ST7L: variants seen among roughly 807,000 people sequenced by gnomAD.
ST7L encodes suppression of tumorigenicity 7 like.
Under a neutral mutation model 72.5 loss-of-function variants are expected in ST7L, and 57 were observed. That is an observed-to-expected ratio of 0.79 (90% CI 0.64 to 0.98). The LOEUF (loss-of-function observed/expected upper bound fraction) is 0.98. Among genes scored for constraint, ST7L ranks in the 50% least tolerant of loss-of-function variants. The pLI, the probability that ST7L is intolerant of heterozygous loss-of-function variation, is 0.00. For synonymous variants in ST7L, 221 were observed against 240.9 expected (o/e 0.92, Z 0.77); for missense variants, 576 against 672.2 (o/e 0.86, Z 1.58).
At chr1:112,600,337 C>T (rs1015077658) in intron 4 of ST7L, among the ~76,000 whole-genome samples, 2 of 152,146 alleles carry the variant, frequency 1.3e-5, no homozygotes, top group African/African-American at 4.8e-5. Context: ...TGCACCTGGC[C>T]TCTACCAAAA....
At chr1:112,602,713 C>CTTTTTTTTTTTTTT (rs35617753) in intron 3 of ST7L, among the ~76,000 whole-genome samples, 1 of 120,498 alleles carries the variant, frequency 8.3e-6, no homozygotes, top group Non-Finnish European at 1.7e-5. Context: ...CATTTTCTTT[C>CTTTTTTTTTTTTTT]TTTTTTTTTT....
intron 11 of ST7L, among the ~76,000 whole-genome samples, chr1:112,575,655 T>G (rs1338499091): frequency 6.6e-6 from 1 of 152,200 alleles, no homozygotes; most frequent in Non-Finnish European, 1.5e-5. Flanking sequence ...TAAGATTTCA[T>G]CAAGCTACTC....
chr1:112,563,331 T>A (rs1282654480), intron 11 of ST7L, among the ~76,000 whole-genome samples: 1 of 152,182 alleles, frequency 6.6e-6, no homozygotes, highest in Non-Finnish European at 1.5e-5. Context: ...AAGAAAGGAC[T>A]TAACAAATTT....
In ST7L at chr1:112,542,106, G is replaced by T; in HGVS notation, c.1490-16C>A. ...TGATGAAAGGCTGCAATGGAGAATA[G>T]GTAAGAATCAATTTTATTTCAGAAT... is the stretch of plus-strand genomic sequence containing the variant. On this transcript the variant is annotated splice_polypyrimidine_tract_variant and intron_variant, in intron 13 of 14. Transcript: ENST00000358039. 6.4e-7 allele frequency: 1 copy of T among 1,566,724 alleles called. No homozygotes were observed. Among genetic ancestry groups the T allele is most frequent in the South Asian group, 1.2e-5 (1 of 83,268 alleles).
At chr1:112,569,095 G>T (rs1283411229) in intron 11 of ST7L, among the ~76,000 whole-genome samples, 3 of 151,934 alleles carry the variant, frequency 2.0e-5, no homozygotes, top group Non-Finnish European at 4.4e-5. Flanking sequence ...CAAATGTAGA[G>T]GAACTGGAAC....
intron 14 of ST7L, chr1:112,540,225 C>A (rs1460711618): frequency 1.0e-6 from 1 of 985,314 alleles, no homozygotes; most frequent in East Asian, 1.1e-4. Flanking sequence ...CCTTCCCACT[C>A]CACTTGCCTG....
At chr1:112,619,149 G>A (rs770327467), upstream of ST7L, 4 of 1,600,828 alleles carry the variant, frequency 2.5e-6, no homozygotes, top group African/African-American at 4.0e-5. Context: ...GCTGGGAGGG[G>A]AGAAGGACAG....
chr1:112,566,013 G>GGA (rs1553246740), intron 11 of ST7L, among the ~76,000 whole-genome samples: 7 of 86,804 alleles, frequency 8.1e-5, no homozygotes, highest in Non-Finnish European at 1.2e-4. Flanking sequence ...TCTGTCTCAA[G>GGA]AAAAAAAAAA....
chr1:112,520,943 C>T (rs113309659), downstream of ST7L: 119 of 173,714 alleles, frequency 6.9e-4, no homozygotes, highest in South Asian at 1.9e-3. Flanking sequence ...ATGGCATGTC[C>T]CTTCTCTGAA....
rs6698030 is a variant in ST7L, at chr1:112,595,696, G to C, written c.622+2275C>G. On this transcript the variant is annotated intron_variant, in intron 5 of 14. Transcript: ENST00000358039. ...GGCCTCTCAAAGTGCTGGGATTACAGGCATAAGCCACTGTCCTTGGCCTAT... is the reference window on the plus strand; with the variant it reads ...GGCCTCTCAAAGTGCTGGGATTACACGCATAAGCCACTGTCCTTGGCCTAT... Among the ~76,000 whole-genome samples the C allele has an allele frequency of 3.3e-4, 50 of 152,134 alleles. No individual in the cohort carries two copies. The South Asian group carries it at 9.8e-3, about 30-fold the overall frequency.
At chr1:112,536,677 T>C (rs1655260870) in intron 14 of ST7L, among the ~76,000 whole-genome samples, 1 of 152,056 alleles carries the variant, frequency 6.6e-6, no homozygotes, top group Non-Finnish European at 1.5e-5. Context: ...ACTTGGCTAA[T>C]GTAGTCCTTA....
At chr1:112,529,491 G>T (rs531894525) in intron 14 of ST7L, 1 of 152,190 alleles carries the variant, frequency 6.6e-6, no homozygotes, top group South Asian at 2.1e-4. Flanking sequence ...TAAGCTGATT[G>T]CTCATGCTGG....
intron 14 of ST7L, among the ~76,000 whole-genome samples, chr1:112,534,028 G>A (rs377002821): frequency 6.6e-6 from 1 of 152,130 alleles, no homozygotes; most frequent in Admixed American, 6.5e-5. Flanking sequence ...GACTTAAACT[G>A]TGAAGAGTAC....
intron 14 of ST7L, chr1:112,539,926 CTTGT>C (rs1655837171): frequency 2.0e-6 from 2 of 985,238 alleles, no homozygotes; most frequent in Non-Finnish European, 2.4e-6. Flanking sequence ...AAAATAAATG[CTTGT>C]TTATTATCCA....
intron 4 of ST7L, 94 bp downstream of exon 4, chr1:112,600,700 A>G: frequency 9.4e-7 from 1 of 1,059,376 alleles, no homozygotes; most frequent in South Asian, 1.4e-5. Flanking sequence ...CTTCTACTAG[A>G]AGAGCTGCGA....
rs578181185 is a variant in ST7L, at chr1:112,584,768, G to A, written c.702-642C>T. Among the ~76,000 whole-genome samples the A allele has an allele frequency of 9.3e-4, 141 of 152,226 alleles. 1 individual carries two copies. The highest frequency in any genetic ancestry group is 3.2e-3 in the African/African-American group (134 of 41,534). ...TTTCCAAAGTGCTGGGATTACAGGC[G>A]TGAGCCACCATGCCCGGTTGATCAT... On this transcript the variant is annotated intron_variant, in intron 6 of 14. Coordinates refer to ENST00000358039, the MANE Select transcript of ST7L (RefSeq NM_017744.5).
At chr1:112,618,815 C>T in intron 1 of ST7L, 94 bp downstream of exon 1, 1 of 1,503,378 alleles carries the variant, frequency 6.7e-7, no homozygotes, top group Non-Finnish European at 8.9e-7. Flanking sequence ...CTCAGAGGCC[C>T]TCTAGGACTA....
chr1:112,576,078 C>T (rs1022655331), intron 11 of ST7L, among the ~76,000 whole-genome samples: 2 of 151,960 alleles, frequency 1.3e-5, no homozygotes, highest in Non-Finnish European at 2.9e-5. Flanking sequence ...TAACATGGGG[C>T]ATTGTTTGTA....
chr1:112,614,418 T>C (rs1386742236), intron 2 of ST7L, among the ~76,000 whole-genome samples: 1 of 152,212 alleles, frequency 6.6e-6, no homozygotes, highest in Non-Finnish European at 1.5e-5. Context: ...GACTTTTGTA[T>C]GCTATGGACT....
Sources: gnomAD v4.1 joint callset for allele counts (sites outside exome capture counted in the v4.1 genomes callset) on GRCh38, gnomAD v4.1.1 for gene constraint, MANE v1.5 for transcripts, NCBI Gene and HGNC (gene_info 2026-07-23, HGNC 2026-07-21) for gene names.